GOLGA2: variants seen among roughly 807,000 people sequenced by gnomAD.
The protein encoded by GOLGA2 is golgin A2, also known as golgin subfamily A member 2.
Under a neutral mutation model 148.8 loss-of-function variants are expected in GOLGA2, and 49 were observed. The observed-to-expected ratio is 0.33, with a 90% CI of 0.26 to 0.42. The LOEUF is 0.42. GOLGA2 is among the 10% of genes least tolerant of loss of function. The pLI is 1.00. For synonymous variants in GOLGA2, 501 were observed against 511.8 expected (o/e 0.98, Z 0.28); for missense variants, 1,178 against 1,304.6 (o/e 0.90, Z 1.49).
intron 2 of GOLGA2, 26 bp downstream of exon 2, chr9:128,273,824 C>T (rs371586063): frequency 2.4e-5 from 39 of 1,612,982 alleles, no homozygotes; most frequent in Admixed American, 3.3e-5. Context: ...CCCCTGTCCC[C>T]AGGAGCCTGG....
At chr9:128,275,565 C>A in intron 1 of GOLGA2, 2 of 1,167,964 alleles carry the variant, frequency 1.7e-6, no homozygotes, top group Non-Finnish European at 2.2e-6. Flanking sequence ...AGGGCAGGGG[C>A]TGAATTGCTG....
intron 14 of GOLGA2, among the ~76,000 whole-genome samples, chr9:128,262,185 TAAAAA>T (rs58232809): frequency 8.3e-6 from 1 of 120,156 alleles, no homozygotes. Flanking sequence ...AGACCCCGTC[TAAAAA>T]AAAAAAAAAA....
Position 128,267,664 on chromosome 9 carries a change from T to C in GOLGA2, c.502-147A>G, listed in dbSNP as rs774158795. 3 of 695,230 alleles carry C rather than the reference T, an allele frequency of 4.3e-6. 1 individual carries two copies. Among genetic ancestry groups the C allele is most frequent in the South Asian group, 3.4e-5 (2 of 59,250 alleles). The allele number at this position is 695,230 out of a possible 1,614,324, so 43.1% of individuals were successfully genotyped here. A position where few individuals can be genotyped will look rare whatever the true frequency, so the allele number is the denominator to read the frequency against. On this transcript the variant is annotated intron_variant, in intron 6 of 26. Transcript: ENST00000611957. ...AACCCCTTTGTGCCAACTTCTCTCA[T>C]GGTTCTTATTTCCCCACCATCCTTT...
chr9:128,268,451 C>T lies in GOLGA2; in HGVS notation c.362G>A (p.Gly121Asp). The T allele has an allele frequency of 6.2e-7, 1 of 1,610,360 alleles. No homozygotes were observed. Among genetic ancestry groups the T allele is most frequent in the African/African-American group, 1.3e-5 (1 of 74,914 alleles). ...TVLPGGVPSPGASLTSMAASQ... is the reference protein window; with the variant it reads ...TVLPGGVPSPDASLTSMAASQ... ...TGCCGCCATGCTAGTGAGACTGGCA[C>T]CAGGGGAAGGGACACCGCCAGGTAA... Residue 121 changes from glycine to aspartate, a missense_variant, in exon 4 of 27, where the codon GGT becomes GAT. This residue lies in a region of GOLGA2 where 158 missense variants were observed against 156.6 expected (regional missense o/e 1.01). Transcript: ENST00000611957.
At chr9:128,275,526 C>A in intron 1 of GOLGA2, 1 of 1,291,916 alleles carries the variant, frequency 7.7e-7, no homozygotes, top group South Asian at 2.7e-5. Flanking sequence ...CGGGGGGCCC[C>A]GGGAGTCACG....
In GOLGA2 at chr9:128,268,296, G is replaced by A. The variant is rs865774390; in HGVS notation, c.393+124C>T. The A allele has an allele frequency of 3.8e-5, 41 of 1,071,506 alleles. 5 individuals carry two copies. The Middle Eastern group carries it at 8.2e-3, about 215-fold the overall frequency. The allele number at this position is 1,071,506 out of a possible 1,614,324, so 66.4% of individuals were successfully genotyped here. ...CCTCAAGGAAAAAAGCCCAGTCTGA[G>A]CCTTCCCCCGGCCCGGTCCCCAGGA... On this transcript the variant is annotated intron_variant, in intron 4 of 26. Transcript: ENST00000611957.
chr9:128,256,941 C>T lies in GOLGA2; in HGVS notation c.*126G>A, dbSNP rs534108749. 121 of 716,438 alleles carry T rather than the reference C, an allele frequency of 1.7e-4. No homozygotes were observed. The East Asian group carries it at 2.8e-3, about 17-fold the overall frequency. The allele number at this position is 716,438 out of a possible 1,614,324, so 44.4% of individuals were successfully genotyped here. The stretch of plus-strand genomic sequence containing the variant: ...CACCTCATCTGCACCTGTCTACCCC[C>T]GTTAGACAGGGGTCTATGCTTGCTA... On this transcript the variant is annotated 3_prime_UTR_variant, in exon 27 of 27. Coordinates refer to ENST00000611957, the MANE Select transcript of GOLGA2 (RefSeq NM_001366244.2).
intron 2 of GOLGA2, among the ~76,000 whole-genome samples, chr9:128,273,298 C>T (rs1831071283): frequency 6.6e-6 from 1 of 152,244 alleles, no homozygotes; most frequent in South Asian, 2.1e-4. Context: ...TATCCAATGT[C>T]ACCTCACAGA....
In GOLGA2 at chr9:128,266,345, GA is replaced by G. The variant is rs1329936867; in HGVS notation, c.643-21del. On this transcript the variant is annotated intron_variant, in intron 8 of 26. Transcript: ENST00000611957. The surrounding 1 kb of genome is among the most constrained non-coding windows in gnomAD (Gnocchi z 4.2). ...TTGTTTCTGTGGGGAAGAGTCAAAG[GA>G]AGGTGACTGAGGGTGGCCCCCTCAA... The G allele has an allele frequency of 3.7e-6, 6 of 1,609,036 alleles. No individual in the cohort carries two copies. The highest frequency in any genetic ancestry group is 5.1e-6 in the Non-Finnish European group (6 of 1,176,264).
rs1467388059 is a variant in GOLGA2, at chr9:128,266,836, G to A, written c.642+358C>T. ...TCCTCAGGAAATGCAAGCCCAAGGA[G>A]GAGAGGTGGCTTGTCCCAAATCAAA... On this transcript the variant is annotated intron_variant, in intron 8 of 26. Transcript: ENST00000611957. The surrounding 1 kb of genome is among the most constrained non-coding windows in gnomAD (Gnocchi z 4.2). 5.0e-6 allele frequency: 2 copies of A among 397,836 alleles called. No individual in the cohort carries two copies. Among genetic ancestry groups the A allele is most frequent in the Non-Finnish European group, 9.2e-6 (2 of 217,580 alleles). 24.6% of individuals were successfully genotyped at this position (397,836 alleles called of 1,614,324 possible).
At position 128,258,304 on chromosome 9, in the gene GOLGA2, G is replaced by T; in HGVS notation, c.2290-106C>A. ...GGGGCCTCAGAGGGTGCACTTGTTG[G>T]TCCCAAGTGAAATGGTGTCTCACCA... On this transcript the variant is annotated intron_variant, in intron 22 of 26. Transcript: ENST00000611957. This position sits in a 1 kb window ranked among gnomAD's most constrained non-coding sequence, Gnocchi z 6.6. 8.8e-7 allele frequency: 1 copy of T among 1,132,456 alleles called. No individual in the cohort carries two copies. The highest frequency in any genetic ancestry group is 1.3e-6 in the Non-Finnish European group (1 of 772,236). 70.2% of individuals were successfully genotyped at this position (1,132,456 alleles called of 1,614,324 possible).
Position 128,257,745 on chromosome 9 carries a change from G to T in GOLGA2, c.2612-38C>A, listed in dbSNP as rs201549832. On this transcript the variant is annotated intron_variant, in intron 24 of 26. Transcript: ENST00000611957. The surrounding 1 kb of genome is among the most constrained non-coding windows in gnomAD (Gnocchi z 8.0). The stretch of plus-strand genomic sequence containing the variant: ...AGGGCTCAGATGCTGGGTTCCCTCC[G>T]ACCGCTGTGCAGCTCCTCCTGCCGT... The T allele has an allele frequency of 2.0e-5, 32 of 1,609,192 alleles. No homozygotes were observed. The highest frequency in any genetic ancestry group is 2.6e-5 in the Non-Finnish European group (31 of 1,175,816).
Position 128,260,919 on chromosome 9 carries a change from C to A in GOLGA2, c.1421-117G>T. 1 of 742,326 alleles carries A rather than the reference C, an allele frequency of 1.3e-6. No individual in the cohort carries two copies. The highest frequency in any genetic ancestry group is 2.2e-6 in the Non-Finnish European group (1 of 455,198). The allele number at this position is 742,326 out of a possible 1,614,324, so 46.0% of individuals were successfully genotyped here. On this transcript the variant is annotated intron_variant, in intron 17 of 26. Coordinates refer to ENST00000611957, the MANE Select transcript of GOLGA2 (RefSeq NM_001366244.2). This position sits in a 1 kb window ranked among gnomAD's most constrained non-coding sequence, Gnocchi z 4.8. Reference sequence around the variant, plus strand: ...CTCCCTGCTGATGATTCCTCGCACCCGGATGTTAGCCAATCTTCCAAACCA... The same window carrying A: ...CTCCCTGCTGATGATTCCTCGCACCAGGATGTTAGCCAATCTTCCAAACCA...
At chr9:128,270,708 A>G (rs1421509754) in intron 3 of GOLGA2, among the ~76,000 whole-genome samples, 2 of 152,132 alleles carry the variant, frequency 1.3e-5, no homozygotes, top group Non-Finnish European at 2.9e-5. Context: ...TTAAAAAAAA[A>G]CAAAACCTAC....
At position 128,260,163 on chromosome 9, in the gene GOLGA2, G is replaced by T; in HGVS notation, c.1785C>A (p.Ser595Arg). The change falls in exon 19 of 27, where the codon AGC becomes AGA. Residue 595 changes from serine (S) to arginine (R), a missense_variant. By Grantham distance (110) the Ser-to-Arg change is moderately radical. This residue lies in a region of GOLGA2 where 529 missense variants were observed against 521.8 expected (regional missense o/e 1.01). Transcript: ENST00000611957. This position sits in a 1 kb window ranked among gnomAD's most constrained non-coding sequence, Gnocchi z 4.8. ...TGACGTGCTGCTCCGACTGCAGTGC[G>T]CTGGTGATCTCCATGTTCTCATTAG... ...KLTNENMEIT[S>R]ALQSEQHVKR... The T allele has an allele frequency of 6.2e-7, 1 of 1,608,690 alleles. No homozygotes were observed.
intron 1 of GOLGA2, chr9:128,275,258 C>A: frequency 3.2e-6 from 2 of 616,464 alleles, no homozygotes; most frequent in Non-Finnish European, 5.4e-6. Context: ...CCAGAGGAAC[C>A]AGAAGCGGGA....
chr9:128,260,271 G>A lies in GOLGA2; in HGVS notation c.1759-82C>T. ...GCTGCCTTGGTGTCTGCCTCCCATG[G>A]CACCGGGAAGGGTGGAGGCAGGTTA... On this transcript the variant is annotated intron_variant, in intron 18 of 26. Transcript: ENST00000611957. The surrounding 1 kb of genome is among the most constrained non-coding windows in gnomAD (Gnocchi z 4.8). 8.0e-7 allele frequency: 1 copy of A among 1,243,474 alleles called. No individual in the cohort carries two copies. The highest frequency in any genetic ancestry group is 1.2e-5 in the South Asian group (1 of 84,026). 77.0% of individuals were successfully genotyped at this position (1,243,474 alleles called of 1,614,324 possible).
intron 19 of GOLGA2, among the ~76,000 whole-genome samples, 168 bp from the exon 20 acceptor site, chr9:128,259,559 CA>C (rs907973863): frequency 2.6e-5 from 4 of 152,232 alleles, no homozygotes; most frequent in African/African-American, 9.6e-5. Flanking sequence ...TCCCCAGCCT[CA>C]AATTTCACAT....
chr9:128,259,101 G>C lies in GOLGA2; in HGVS notation c.2098-19C>G. ...GGCGCTCCTAAGGGGCCAGAAAAGA[G>C]AGTGAGAAGGCATGGAGGTTGCCAG... On this transcript the variant is annotated intron_variant, in intron 20 of 26. Transcript: ENST00000611957. 6.2e-7 allele frequency: 1 copy of C among 1,608,270 alleles called. No individual in the cohort carries two copies. Among genetic ancestry groups the C allele is most frequent in the Non-Finnish European group, 8.5e-7 (1 of 1,174,892 alleles).
Sources: gnomAD v4.1 joint callset for allele counts (sites outside exome capture counted in the v4.1 genomes callset) on GRCh38, gnomAD v4.1.1 for gene constraint, gnomAD v4.1.1 regional missense constraint, Gnocchi (gnomAD v3.1) non-coding constraint, MANE v1.5 for transcripts, NCBI Gene and HGNC (gene_info 2026-07-23, HGNC 2026-07-21) for gene names.